Variants in TNFRSF8 observed in about 807,000 individuals in gnomAD.
The protein encoded by TNFRSF8 is TNF receptor superfamily member 8.
Under a neutral mutation model 70.8 loss-of-function variants are expected in TNFRSF8, and 26 were observed. That is an observed-to-expected ratio of 0.37 (90% CI 0.27 to 0.51). The LOEUF is 0.51. Among genes scored for constraint, TNFRSF8 ranks in the 20% least tolerant of loss-of-function variants. TNFRSF8 has a pLI of 0.94. For synonymous variants in TNFRSF8, 356 were observed against 339.2 expected (o/e 1.05, Z -0.54); for missense variants, 720 against 807.9 (o/e 0.89, Z 1.32).
chr1:12,084,832 T>C (rs1641125367), intron 2 of TNFRSF8, among the ~76,000 whole-genome samples: 1 of 152,182 alleles, frequency 6.6e-6, no homozygotes, highest in African/African-American at 2.4e-5. Flanking sequence ...TTACTATCCA[T>C]GAGTCCGAGA....
chr1:12,130,917 T>G (rs934605342), intron 12 of TNFRSF8, among the ~76,000 whole-genome samples: 1 of 152,240 alleles, frequency 6.6e-6, no homozygotes, highest in Non-Finnish European at 1.5e-5. Flanking sequence ...GTTCTGGGTC[T>G]TTATCAAAAT....
chr1:12,143,695 G>A lies in TNFRSF8; in HGVS notation c.*1164G>A, dbSNP rs1360789846. 2.0e-5 allele frequency: 3 copies of A among 152,104 alleles called. No individual in the cohort carries two copies. Among genetic ancestry groups the A allele is most frequent in the South Asian group, 2.1e-4 (1 of 4,822 alleles). 9.4% of individuals were successfully genotyped at this position (152,104 alleles called of 1,614,324 possible). A position where few individuals can be genotyped will look rare whatever the true frequency, so the allele number is the denominator to read the frequency against. ...GGAGTAGTGGCCCTGACTTCCGGTCGGCTGGCCAGCTGACTCCCTAGGGCC... is the reference window on the plus strand; with the variant it reads ...GGAGTAGTGGCCCTGACTTCCGGTCAGCTGGCCAGCTGACTCCCTAGGGCC... On this transcript the variant is annotated 3_prime_UTR_variant, in exon 15 of 15. Coordinates refer to ENST00000263932, the MANE Select transcript of TNFRSF8 (RefSeq NM_001243.5). The surrounding 1 kb of genome is among the most constrained non-coding windows in gnomAD (Gnocchi z 4.1).
chr1:12,070,396 G>A (rs896817066), intron 1 of TNFRSF8, among the ~76,000 whole-genome samples: 4 of 151,954 alleles, frequency 2.6e-5, no homozygotes, highest in Non-Finnish European at 5.9e-5. Context: ...GACTACAGGC[G>A]CCCGCCACCA....
intron 1 of TNFRSF8, among the ~76,000 whole-genome samples, chr1:12,081,117 A>G (rs1422640566): frequency 1.3e-5 from 2 of 152,116 alleles, no homozygotes; most frequent in Non-Finnish European, 2.9e-5. Flanking sequence ...GTGCAATACC[A>G]TGGGCTCCCC....
chr1:12,137,184 G>A (rs1271317955), intron 13 of TNFRSF8, among the ~76,000 whole-genome samples: 1 of 152,082 alleles, frequency 6.6e-6, no homozygotes, highest in African/African-American at 2.4e-5. Context: ...GGAAGCTGAG[G>A]AATCTCAGCG....
chr1:12,108,575 C>T lies in TNFRSF8; in HGVS notation c.422-991C>T, dbSNP rs1186678958. ...GCAGCTTATGCCTGAAATCCCAGCACTTTGGGAGGCTGAGGAGGGTGGATC... is the reference window on the plus strand; with the variant it reads ...GCAGCTTATGCCTGAAATCCCAGCATTTTGGGAGGCTGAGGAGGGTGGATC... On this transcript the variant is annotated intron_variant, in intron 4 of 14. Transcript: ENST00000263932. The surrounding 1 kb of genome is among the most constrained non-coding windows in gnomAD (Gnocchi z 4.0). 6.6e-6 allele frequency among the ~76,000 whole-genome samples: 1 copy of T among 151,984 alleles called. No homozygotes were observed. The highest frequency in any genetic ancestry group is 1.5e-5 in the Non-Finnish European group (1 of 67,996).
intron 13 of TNFRSF8, among the ~76,000 whole-genome samples, 171 bp downstream of exon 13, chr1:12,135,784 G>C (rs1194925113): frequency 6.6e-6 from 1 of 152,172 alleles, no homozygotes; most frequent in African/African-American, 2.4e-5. Context: ...AGTTCAGGCT[G>C]AGTCTGACCC....
chr1:12,122,769 G>T (rs192728973), intron 8 of TNFRSF8, among the ~76,000 whole-genome samples: 3 of 152,248 alleles, frequency 2.0e-5, no homozygotes, highest in African/African-American at 7.2e-5. Flanking sequence ...AAAGCAAAAG[G>T]TCTAGCGTCA....
chr1:12,128,833 CTTTTTT>C (rs60878706), intron 12 of TNFRSF8, among the ~76,000 whole-genome samples: 2 of 111,776 alleles, frequency 1.8e-5, no homozygotes, highest in African/African-American at 3.6e-5. Context: ...GTCTAAAATT[CTTTTTT>C]TTTTTTTTTT....
intron 1 of TNFRSF8, among the ~76,000 whole-genome samples, chr1:12,079,681 C>T (rs902951713): frequency 5.9e-5 from 9 of 152,228 alleles, no homozygotes; most frequent in African/African-American, 2.2e-4. Context: ...GTCCTCTGCT[C>T]CTCCTTCCAA....
rs1641664422 is a variant in TNFRSF8 at position 12,113,305 on chromosome 1, G to T, written c.793+1291G>T. Among the ~76,000 whole-genome samples the T allele has an allele frequency of 6.6e-6, 1 of 152,152 alleles. No individual in the cohort carries two copies. The highest frequency in any genetic ancestry group is 2.4e-5 in the African/African-American group (1 of 41,426). ...GGGCTTCCTCATGGTCTGGTGGTTA[G>T]GTTCTAAAGGCGAAGTCTTTTTCTC... On this transcript the variant is annotated intron_variant, in intron 7 of 14. Coordinates refer to ENST00000263932, the MANE Select transcript of TNFRSF8 (RefSeq NM_001243.5). This position sits in a 1 kb window ranked among gnomAD's most constrained non-coding sequence, Gnocchi z 4.9.
chr1:12,106,596 T>A (rs753242810), intron 4 of TNFRSF8, among the ~76,000 whole-genome samples: 1 of 152,094 alleles, frequency 6.6e-6, no homozygotes, highest in Non-Finnish European at 1.5e-5. Context: ...TAGAGATTCA[T>A]TGAATTAAGA....
intron 12 of TNFRSF8, among the ~76,000 whole-genome samples, chr1:12,133,346 T>G (rs1279567259): frequency 2.6e-5 from 4 of 152,094 alleles, no homozygotes; most frequent in Non-Finnish European, 5.9e-5. Context: ...TTTATTCTGT[T>G]GGCCACCCCC....
chr1:12,069,107 G>A (rs1252986007), intron 1 of TNFRSF8, among the ~76,000 whole-genome samples: 17 of 145,000 alleles, frequency 1.2e-4, no homozygotes, highest in African/African-American at 2.3e-4. Flanking sequence ...TCCTGACCTC[G>A]TGATCCACCC....
rs1641574045 is a variant in TNFRSF8 at position 12,108,778 on chromosome 1, A to G, written c.422-788A>G. Among the ~76,000 whole-genome samples the G allele has an allele frequency of 6.6e-6, 1 of 152,170 alleles. No individual in the cohort carries two copies. The highest frequency in any genetic ancestry group is 6.5e-5 in the Admixed American group (1 of 15,278). On this transcript the variant is annotated intron_variant, in intron 4 of 14. Coordinates refer to ENST00000263932, the MANE Select transcript of TNFRSF8 (RefSeq NM_001243.5). The surrounding 1 kb of genome is among the most constrained non-coding windows in gnomAD (Gnocchi z 4.0). ...CAGTGAGCTGAGATTGCATCACTGC[A>G]CTCCAGCCTGGGCGACAGAGTAAGA...
chr1:12,126,953 G>A (rs1157020604), intron 12 of TNFRSF8, among the ~76,000 whole-genome samples: 4 of 152,324 alleles, frequency 2.6e-5, no homozygotes, highest in Non-Finnish European at 1.5e-5. Context: ...GCCTTCCTGA[G>A]TCCTGGGTGC....
intron 1 of TNFRSF8, among the ~76,000 whole-genome samples, chr1:12,075,359 T>G (rs932299366): frequency 1.3e-5 from 2 of 152,146 alleles, no homozygotes; most frequent in African/African-American, 4.8e-5. Flanking sequence ...GAGCTGGGAT[T>G]ACGGGTGTGA....
In TNFRSF8 at chr1:12,088,323, C is replaced by T. The variant is rs960075200; in HGVS notation, c.151+3772C>T. On this transcript the variant is annotated intron_variant, in intron 2 of 14. Coordinates refer to ENST00000263932, the MANE Select transcript of TNFRSF8 (RefSeq NM_001243.5). The surrounding 1 kb of genome is among the most constrained non-coding windows in gnomAD (Gnocchi z 4.0). Reference sequence around the variant, plus strand: ...CTGGCCACTGTGCTGGGCCCTTTACCGACCTTAAGTTCCTTCAATCCTGAT... The same window carrying T: ...CTGGCCACTGTGCTGGGCCCTTTACTGACCTTAAGTTCCTTCAATCCTGAT... 9.4e-5 allele frequency among the ~76,000 whole-genome samples: 10 copies of T among 106,698 alleles called. No individual in the cohort carries two copies. Among genetic ancestry groups the T allele is most frequent in the South Asian group, 6.1e-4 (2 of 3,256 alleles). The allele number at this position is 106,698 out of a possible 152,430, so 70.0% of individuals were successfully genotyped here.
chr1:12,136,645 A>T (rs912712004), intron 13 of TNFRSF8, among the ~76,000 whole-genome samples: 3 of 78,698 alleles, frequency 3.8e-5, no homozygotes, highest in Middle Eastern at 4.1e-3. Context: ...GTGAGACTCC[A>T]TCTGAAAAAA....
Sources: allele counts gnomAD v4.1 joint callset (sites outside exome capture counted in the v4.1 genomes callset), GRCh38; gene constraint gnomAD v4.1.1; non-coding constraint Gnocchi (gnomAD v3.1); transcripts MANE v1.5; gene names NCBI Gene and HGNC (gene_info 2026-07-23, HGNC 2026-07-21).